ANKRD44: variants seen among roughly 807,000 people sequenced by gnomAD.
The protein encoded by ANKRD44 is serine/threonine-protein phosphatase 6 regulatory ankyrin repeat subunit B.
Under a neutral mutation model 116.0 loss-of-function variants are expected in ANKRD44, and 35 were observed. That is an observed-to-expected ratio of 0.30 (90% CI 0.23 to 0.40). The LOEUF (loss-of-function observed/expected upper bound fraction) is 0.40, where lower values mean the gene tolerates loss of function less well. Among genes scored for constraint, ANKRD44 ranks in the 10% least tolerant of loss-of-function variants. The pLI is 1.00. For missense variants in ANKRD44, 1,014 were observed against 1,242.6 expected (o/e 0.82, Z 2.77); for synonymous variants, 435 against 461.8 (o/e 0.94, Z 0.74).
intron 21 of ANKRD44, among the ~76,000 whole-genome samples, chr2:196,980,316 A>T (rs554889278): frequency 2.2e-4 from 34 of 152,286 alleles, no homozygotes; most frequent in Non-Finnish European, 4.3e-4. Context: ...TCCTAACAAA[A>T]TTTTTTACAA....
chr2:197,101,668 A>G (rs1486529812), intron 9 of ANKRD44, among the ~76,000 whole-genome samples: 1 of 152,202 alleles, frequency 6.6e-6, no homozygotes, highest in Non-Finnish European at 1.5e-5. Flanking sequence ...TACTGCAAAA[A>G]TATCTTCTCC....
At chr2:197,027,584 C>T (rs1414969660) in intron 16 of ANKRD44, among the ~76,000 whole-genome samples, 3 of 151,580 alleles carry the variant, frequency 2.0e-5, no homozygotes, top group African/African-American at 7.3e-5. Flanking sequence ...ACAAGGAGAA[C>T]ATGAGGTTCT....
intron 3 of ANKRD44, among the ~76,000 whole-genome samples, chr2:197,139,123 C>G (rs1250051338): frequency 6.6e-6 from 1 of 152,078 alleles, no homozygotes; most frequent in Non-Finnish European, 1.5e-5. Context: ...AACAATGTGG[C>G]ATTATCTAGT....
Position 197,236,058 on chromosome 2 carries a change from C to T in ANKRD44, c.28-48952G>A, listed in dbSNP as rs144931895. On this transcript the variant is annotated intron_variant, in intron 1 of 27. Coordinates refer to ENST00000282272, the MANE Select transcript of ANKRD44 (RefSeq NM_001195144.2). ...TGATGGGAACAGGACCAGAGGAAAT[C>T]GTGCTCCAAGAGATGAAAACCGGAT... Among the ~76,000 whole-genome samples the T allele has an allele frequency of 9.9e-5, 15 of 152,252 alleles. 1 individual carries two copies. The East Asian group carries it at 2.3e-3, about 23-fold the overall frequency.
intron 16 of ANKRD44, among the ~76,000 whole-genome samples, chr2:197,077,370 C>A (rs913530365): frequency 6.6e-6 from 1 of 152,098 alleles, no homozygotes; most frequent in Non-Finnish European, 1.5e-5. Flanking sequence ...CTTTCAGAAC[C>A]CTTTCCTCCT....
chr2:197,127,342 A>C (rs1224412559), intron 4 of ANKRD44, among the ~76,000 whole-genome samples: 3 of 152,226 alleles, frequency 2.0e-5, no homozygotes, highest in African/African-American at 7.2e-5. Context: ...ATAGAAATTT[A>C]ATATAATATT....
chr2:197,035,768 C>A (rs1411792646), intron 16 of ANKRD44, among the ~76,000 whole-genome samples: 1 of 149,500 alleles, frequency 6.7e-6, no homozygotes, highest in Non-Finnish European at 1.5e-5. Flanking sequence ...ACTCGTCAAG[C>A]TATGACCTGG....
At chr2:197,297,740 T>C (rs2083766331) in intron 1 of ANKRD44, among the ~76,000 whole-genome samples, 1 of 152,202 alleles carries the variant, frequency 6.6e-6, no homozygotes, top group East Asian at 1.9e-4. Flanking sequence ...TAAAATATTA[T>C]ACATAAAATA....
chr2:197,159,651 T>C (rs2079909056), intron 2 of ANKRD44, among the ~76,000 whole-genome samples: 1 of 152,216 alleles, frequency 6.6e-6, no homozygotes, highest in Non-Finnish European at 1.5e-5. Context: ...AACATTACAT[T>C]TATGATTAAA....
Position 197,220,802 on chromosome 2 carries a change from C to T in ANKRD44, c.28-33696G>A, listed in dbSNP as rs150737324. On this transcript the variant is annotated intron_variant, in intron 1 of 27. Coordinates refer to ENST00000282272, the MANE Select transcript of ANKRD44 (RefSeq NM_001195144.2). ...CTTTATTAAAGGGGCATTCAGGAATCTACTTTATGTTGACTCACAGGTAGG... is the reference window on the plus strand; with the variant it reads ...CTTTATTAAAGGGGCATTCAGGAATTTACTTTATGTTGACTCACAGGTAGG... 5.4e-3 allele frequency among the ~76,000 whole-genome samples: 818 copies of T among 152,286 alleles called. 7 individuals are homozygous for T. Among genetic ancestry groups the T allele is most frequent in the African/African-American group, 0.019 (769 of 41,538 alleles).
chr2:197,120,712 T>G (rs890349821), intron 8 of ANKRD44, among the ~76,000 whole-genome samples: 1 of 152,058 alleles, frequency 6.6e-6, no homozygotes, highest in African/African-American at 2.4e-5. Context: ...ACACTGGAGT[T>G]GGAAACAGGC....
At chr2:197,131,382 G>A (rs1370021845) in intron 4 of ANKRD44, among the ~76,000 whole-genome samples, 1 of 151,714 alleles carries the variant, frequency 6.6e-6, no homozygotes, top group South Asian at 2.1e-4. Context: ...TAGTAGAGAC[G>A]GGGTTTCACC....
At chr2:197,183,080 A>G (rs1172426820) in intron 2 of ANKRD44, among the ~76,000 whole-genome samples, 1 of 152,192 alleles carries the variant, frequency 6.6e-6, no homozygotes, top group Non-Finnish European at 1.5e-5. Context: ...CAATGAGTCA[A>G]GTCATGTGGT....
At chr2:197,016,224 C>T (rs1020086) in intron 17 of ANKRD44, among the ~76,000 whole-genome samples, 1 of 152,176 alleles carries the variant, frequency 6.6e-6, no homozygotes, top group Non-Finnish European at 1.5e-5. Context: ...GTTTGCAAAA[C>T]GTCCAGCTAT....
chr2:197,288,005 G>A (rs1376355548), intron 1 of ANKRD44, among the ~76,000 whole-genome samples: 2 of 126,080 alleles, frequency 1.6e-5, no homozygotes, highest in African/African-American at 5.7e-5. Context: ...GGGTGACAGA[G>A]TGAGACTCAG....
At chr2:197,155,545 C>A (rs2079787929) in intron 2 of ANKRD44, among the ~76,000 whole-genome samples, 1 of 152,122 alleles carries the variant, frequency 6.6e-6, no homozygotes, top group African/African-American at 2.4e-5. Context: ...TTACAGTAAT[C>A]AAAACAATAT....
chr2:197,084,618 G>C (rs1260905362), intron 13 of ANKRD44, among the ~76,000 whole-genome samples: 1 of 152,132 alleles, frequency 6.6e-6, no homozygotes, highest in Non-Finnish European at 1.5e-5. Context: ...TCTGGGTCTT[G>C]ACTTCTTCAC....
At chr2:197,198,440 A>G (rs1014872421) in intron 1 of ANKRD44, among the ~76,000 whole-genome samples, 2 of 152,114 alleles carry the variant, frequency 1.3e-5, no homozygotes, top group African/African-American at 4.8e-5. Context: ...GGCTCTGGGG[A>G]TGGAGTACCG....
chr2:197,220,659 T>C (rs1223655680), intron 1 of ANKRD44, among the ~76,000 whole-genome samples: 2 of 152,160 alleles, frequency 1.3e-5, no homozygotes, highest in African/African-American at 4.8e-5. Context: ...AAATGGGTTA[T>C]AAGCACACTC....
Sources: gnomAD v4.1 joint callset for allele counts (sites outside exome capture counted in the v4.1 genomes callset) on GRCh38, gnomAD v4.1.1 for gene constraint, MANE v1.5 for transcripts, NCBI Gene and HGNC (gene_info 2026-07-23, HGNC 2026-07-21) for gene names.